PTRH1: variants seen among roughly 807,000 people sequenced by gnomAD.
PTRH1 encodes the protein peptidyl-tRNA hydrolase 1 homolog, also known as peptidyl-tRNA hydrolase.
In PTRH1, 13 loss-of-function variants were observed where a neutral mutation model predicts 15.7. That is an observed-to-expected ratio of 0.83 (90% CI 0.54 to 1.31). The LOEUF (loss-of-function observed/expected upper bound fraction) is 1.31. Ranked by LOEUF, PTRH1 falls within the 40% of genes most tolerant of loss-of-function variation. The pLI is 0.00. For synonymous variants in PTRH1, 139 were observed against 136.7 expected (o/e 1.02, Z -0.12); for missense variants, 319 against 296.2 (o/e 1.08, Z -0.56).
At chr9:127,711,235 G>C (rs749890274), downstream of PTRH1, 21 of 1,613,750 alleles carry the variant, frequency 1.3e-5, no homozygotes, top group Non-Finnish European at 1.7e-5. Context: ...CCAGACTGAG[G>C]AAAGAGATCA....
chr9:127,712,910 C>T (rs544952716), downstream of PTRH1: 2 of 1,594,858 alleles, frequency 1.3e-6, no homozygotes, highest in Admixed American at 3.5e-5. Flanking sequence ...TCAGAGGCAG[C>T]CACAGAGAGC....
chr9:127,713,289 GT>G, downstream of PTRH1: 14 of 1,060,528 alleles, frequency 1.3e-5, no homozygotes, highest in Non-Finnish European at 1.8e-5. Context: ...CCACAGCTGT[GT>G]GGCCCTGGGG....
downstream of PTRH1, chr9:127,712,900 T>C: frequency 6.3e-7 from 1 of 1,599,010 alleles, no homozygotes; most frequent in African/African-American, 1.3e-5. Context: ...CTGTGTGGCC[T>C]CAGAGGCAGC....
chr9:127,709,539 G>A, downstream of PTRH1: 1 of 1,614,148 alleles, frequency 6.2e-7, no homozygotes, highest in Non-Finnish European at 8.5e-7. This position sits in a 1 kb window ranked among gnomAD's most constrained non-coding sequence, Gnocchi z 4.7. Context: ...CGCTCAACCA[G>A]CAGGTGGATG....
chr9:127,715,182 C>G lies in PTRH1; in HGVS notation c.109G>C (p.Gly37Arg). The stretch of plus-strand genomic sequence containing the variant: ...CGCGTGCCGGGCAGTCCGGGATTCC[C>G]CAGGCCAGCCACCTGCGGGCGGCAC... ...PGKRWMVAGL[G>R]NPGLPGTRHS... The change falls in exon 2 of 5, where the codon GGG becomes CGG. Residue 37 changes from glycine (G) to arginine (R), a missense_variant. By Grantham distance (125) the Gly-to-Arg change is moderately radical. Transcript: ENST00000543175. The surrounding 1 kb of genome is among the most constrained non-coding windows in gnomAD (Gnocchi z 5.8). The G allele has an allele frequency of 6.5e-7, 1 of 1,526,722 alleles. No homozygotes were observed. The highest frequency in any genetic ancestry group is 8.8e-7 in the Non-Finnish European group (1 of 1,141,170). The allele number at this position is 1,526,722 out of a possible 1,614,324, so 94.6% of individuals were successfully genotyped here. A position where few individuals can be genotyped will look rare whatever the true frequency, so the allele number is the denominator to read the frequency against.
In PTRH1 at chr9:127,715,202, C is replaced by T. The variant is rs779728488; in HGVS notation, c.97-8G>A. The T allele has an allele frequency of 6.6e-6, 10 of 1,524,874 alleles. No individual in the cohort carries two copies. The highest frequency in any genetic ancestry group is 1.2e-5 in the South Asian group (1 of 83,314). 94.5% of individuals were successfully genotyped at this position (1,524,874 alleles called of 1,614,324 possible). ...ATTCCCCAGGCCAGCCACCTGCGGG[C>T]GGCACCAGGGAAACTGAGGCCCAAC... On this transcript the variant is annotated splice_region_variant and splice_polypyrimidine_tract_variant and intron_variant, in intron 1 of 4. Coordinates refer to ENST00000543175, the MANE Select transcript of PTRH1 (RefSeq NM_001002913.3). The surrounding 1 kb of genome is among the most constrained non-coding windows in gnomAD (Gnocchi z 5.8).
At position 127,695,088 on chromosome 9, in the gene PTRH1, GATGATGGTGA is replaced by G; in HGVS notation, c.249_258del (p.His84IlefsTer14). On this transcript the variant is annotated frameshift_variant, in exon 2 of 3. Coordinates refer to the PTRH1 transcript ENST00000335223. LOFTEE classifies it high-confidence loss of function. ...TGATGATGATGATGATGATGATGAT[GATGATGGTGA>G]TGATGATGATGCTGCTGCTGTTGAC... 1 of 702,208 alleles carries G rather than the reference GATGATGGTGA, an allele frequency of 1.4e-6. No homozygotes were observed. Among genetic ancestry groups the G allele is most frequent in the South Asian group, 1.5e-5 (1 of 67,504 alleles). 43.5% of individuals were successfully genotyped at this position (702,208 alleles called of 1,614,324 possible).
chr9:127,709,707 T>G, downstream of PTRH1: 3 of 1,608,822 alleles, frequency 1.9e-6, no homozygotes, highest in Non-Finnish European at 2.5e-6. The surrounding 1 kb of genome is among the most constrained non-coding windows in gnomAD (Gnocchi z 4.7). Context: ...AGGAGGGGAC[T>G]GGCTGGTGAG....
chr9:127,707,843 A>G (rs184218357), intron 1 of PTRH1, among the ~76,000 whole-genome samples: 13 of 152,268 alleles, frequency 8.5e-5, no homozygotes, highest in Admixed American at 4.6e-4. Flanking sequence ...GGGTGACCTT[A>G]AAAGACAAAC....
In PTRH1 at chr9:127,695,409, G is replaced by A. The variant is rs114608786; in HGVS notation, c.206-268C>T. 177 of 433,698 alleles carry A rather than the reference G, an allele frequency of 4.1e-4. 1 individual carries two copies. Among genetic ancestry groups the A allele is most frequent in the African/African-American group, 3.5e-3 (171 of 49,510 alleles). The allele number at this position is 433,698 out of a possible 1,614,324, so 26.9% of individuals were successfully genotyped here. ...AAGAGTGAGGGTCGTGATCAACTCA[G>A]TATCCTGGAGGCTACATGGGTAAAC... is the stretch of plus-strand genomic sequence containing the variant. On this transcript the variant is annotated intron_variant, in intron 1 of 2. Transcript: ENST00000335223.
At chr9:127,701,789 C>T (rs1842605327) in intron 1 of PTRH1, among the ~76,000 whole-genome samples, 2 of 152,058 alleles carry the variant, frequency 1.3e-5, no homozygotes, top group African/African-American at 4.8e-5. Context: ...TGGCAGATGC[C>T]TATAATCCCA....
At chr9:127,694,966 T>C in exon 2 of PTRH1, 1 of 702,724 alleles carries the variant, frequency 1.4e-6, no homozygotes, top group South Asian at 1.5e-5. Flanking sequence ...CACATGATCC[T>C]GACAGGTGAC....
chr9:127,712,385 G>C (rs895682992), downstream of PTRH1: 4 of 1,609,418 alleles, frequency 2.5e-6, no homozygotes, highest in Admixed American at 5.0e-5. Flanking sequence ...CGCAAGGGGA[G>C]GGGGAGTGAG....
intron 1 of PTRH1, among the ~76,000 whole-genome samples, chr9:127,702,198 C>A (rs1842609465): frequency 6.6e-6 from 1 of 151,920 alleles, no homozygotes; most frequent in African/African-American, 2.4e-5. Flanking sequence ...ACGGTGAAAC[C>A]CTGTCTCTAC....
chr9:127,712,755 C>T (rs1269520948), downstream of PTRH1: 3 of 1,614,224 alleles, frequency 1.9e-6, no homozygotes, highest in Admixed American at 5.0e-5. Context: ...ACGTTCCAGC[C>T]ATGGCACAAG....
At position 127,714,643 on chromosome 9, in the gene PTRH1, G is replaced by C. The variant is rs568038628; in HGVS notation, c.376C>G (p.Pro126Ala). The C allele has an allele frequency of 6.2e-7, 1 of 1,613,834 alleles. No individual in the cohort carries two copies. The highest frequency in any genetic ancestry group is 1.3e-5 in the African/African-American group (1 of 74,912). ...AGCTTCAGAGCCAGTCTCCCCAGGG[G>C]CTTGTCCAGCTCATCATGCACCAGG... ...VYLVHDELDK[P>A]LGRLALKLGG... The change falls in exon 3 of 5, where the codon CCC (proline) becomes GCC (alanine). Residue 126 changes from proline to alanine, a missense_variant. By Grantham distance (27) the Pro-to-Ala change is conservative (BLOSUM62 -1). Transcript: ENST00000543175.
In PTRH1 at chr9:127,714,137, A is replaced by T; in HGVS notation, c.608T>A (p.Ile203Asn). Residue 203 changes from isoleucine (I) to asparagine (N), a missense_variant, in exon 5 of 5, where the codon ATC becomes AAC. Ile to Asn is a moderately radical substitution (Grantham distance 149, BLOSUM62 -3). Transcript: ENST00000543175. The stretch of plus-strand genomic sequence containing the variant: ...TGAGGGCCCCTGGCTTCGCTCACGG[A>T]TGTGGTCCAAGATCAGGTCGGTGGC... ...DRATDLILDH[I>N]RERSQGPSLG... The T allele has an allele frequency of 1.2e-6, 2 of 1,613,694 alleles. No individual in the cohort carries two copies. The highest frequency in any genetic ancestry group is 1.7e-6 in the Non-Finnish European group (2 of 1,179,980).
Position 127,713,826 on chromosome 9 carries a change from T to A in PTRH1, c.*274A>T. ...CCGGCCTCCAAGCCAGCATCTTTAA[T>A]CTTACAGATGCGTGCCCCTGGTTCT... On this transcript the variant is annotated 3_prime_UTR_variant, in exon 5 of 5. Transcript: ENST00000543175. 1 of 1,613,000 alleles carries A rather than the reference T, an allele frequency of 6.2e-7. No homozygotes were observed. Among genetic ancestry groups the A allele is most frequent in the Non-Finnish European group, 8.5e-7 (1 of 1,179,236 alleles).
chr9:127,706,926 T>C, intron 1 of PTRH1: 6 of 1,407,458 alleles, frequency 4.3e-6, no homozygotes, highest in Non-Finnish European at 5.8e-6. Flanking sequence ...GCAGGGTCCC[T>C]TTAAGCCCAG....
Sources: gnomAD v4.1 joint callset for allele counts (sites outside exome capture counted in the v4.1 genomes callset) on GRCh38, gnomAD v4.1.1 for gene constraint, Gnocchi (gnomAD v3.1) non-coding constraint, MANE v1.5 for transcripts, NCBI Gene and HGNC (gene_info 2026-07-23, HGNC 2026-07-21) for gene names.